DAB1: variants seen among roughly 807,000 people sequenced by gnomAD.
The protein encoded by DAB1 is disabled homolog 1.
DAB1 carries 15 observed loss-of-function variants against 64.6 expected under a neutral mutation model. The observed-to-expected ratio is 0.23, with a 90% CI of 0.16 to 0.36. The LOEUF is 0.36. Among genes scored for constraint, DAB1 ranks in the 10% least tolerant of loss-of-function variants. The pLI is 1.00. For synonymous variants in DAB1, 235 were observed against 251.9 expected, an observed-to-expected ratio of 0.93 and a Z score of 0.64; for missense variants, 596 against 706.7, an observed-to-expected ratio of 0.84 and a Z score of 1.78.
chr1:58,481,620 T>C (rs1645483697), intron 3 of DAB1, among the ~76,000 whole-genome samples: 1 of 152,172 alleles, frequency 6.6e-6, no homozygotes, highest in Non-Finnish European at 1.5e-5. Flanking sequence ...GTAAAATTGA[T>C]GATAATAACC....
chr1:58,526,560 TTAAA>T (rs768694223), intron 2 of DAB1, among the ~76,000 whole-genome samples: 4 of 142,524 alleles, frequency 2.8e-5, no homozygotes, highest in Non-Finnish European at 6.1e-5. Flanking sequence ...CAAAGTCAAC[TTAAA>T]TAAAAGTAAA....
chr1:57,610,854 G>A (rs1304397273), intron 7 of DAB1, among the ~76,000 whole-genome samples: 1 of 152,144 alleles, frequency 6.6e-6, no homozygotes, highest in East Asian at 1.9e-4. Context: ...GATGAGATTT[G>A]GGCGGGGACA....
intron 3 of DAB1, among the ~76,000 whole-genome samples, chr1:58,472,475 T>A (rs1645370325): frequency 6.6e-6 from 1 of 152,248 alleles, no homozygotes; most frequent in Non-Finnish European, 1.5e-5. Flanking sequence ...AATCAACCTC[T>A]TTTCAACATC....
chr1:57,256,103 A>T (rs1669739599), intron 2 of DAB1, among the ~76,000 whole-genome samples: 1 of 152,200 alleles, frequency 6.6e-6, no homozygotes, highest in Non-Finnish European at 1.5e-5. Context: ...GCTTGATATT[A>T]TCCCTTATTA....
chr1:57,136,095 T>C (rs928538118), intron 4 of DAB1, among the ~76,000 whole-genome samples: 8 of 152,174 alleles, frequency 5.3e-5, no homozygotes, highest in Admixed American at 3.9e-4. Context: ...TTTTTTAAGA[T>C]TGAGAACTCC....
chr1:58,174,843 T>C (rs1350719193), intron 4 of DAB1, among the ~76,000 whole-genome samples: 8 of 151,890 alleles, frequency 5.3e-5, no homozygotes, highest in Non-Finnish European at 1.5e-5. Flanking sequence ...ATCAGCGCTC[T>C]GTAAAAATGC....
chr1:57,393,145 G>T (rs1682525327), intron 1 of DAB1, among the ~76,000 whole-genome samples: 1 of 152,130 alleles, frequency 6.6e-6, no homozygotes, highest in African/African-American at 2.4e-5. Flanking sequence ...TGTGTGACCT[G>T]AGCAAGCTAA....
At chr1:57,075,080 T>C (rs1053591178) in intron 4 of DAB1, among the ~76,000 whole-genome samples, 6 of 152,210 alleles carry the variant, frequency 3.9e-5, no homozygotes, top group African/African-American at 9.6e-5. Flanking sequence ...CGCTGCATAA[T>C]GTGGAGAATG....
intron 9 of DAB1, among the ~76,000 whole-genome samples, chr1:57,059,292 T>A (rs910387288): frequency 1.3e-5 from 2 of 152,086 alleles, no homozygotes; most frequent in Non-Finnish European, 2.9e-5. Flanking sequence ...TCTCAGGAAG[T>A]GGCTGTGGTA....
chr1:57,933,704 T>C (rs1329512489), intron 5 of DAB1, among the ~76,000 whole-genome samples: 1 of 150,142 alleles, frequency 6.7e-6, no homozygotes, highest in Non-Finnish European at 1.5e-5. Context: ...GTAAAAATCT[T>C]TTACAGGTAT....
In DAB1 at chr1:58,129,066, G is replaced by A. The variant is rs1327398344; in HGVS notation, n.387+21445C>T. Among the ~76,000 whole-genome samples the A allele has an allele frequency of 2.1e-3, 307 of 144,464 alleles. 4 individuals carry two copies. The highest frequency in any genetic ancestry group is 6.9e-3 in the African/African-American group (271 of 39,008). 94.8% of individuals were successfully genotyped at this position (144,464 alleles called of 152,430 possible). A position where few individuals can be genotyped will look rare whatever the true frequency, so the allele number is the denominator to read the frequency against. Reference sequence around the variant, plus strand: ...CCTCCTTGTACCTCTGGTAGAATTCGGCTGTGAATCCATCTGGTCCTGGAC... The same window carrying A: ...CCTCCTTGTACCTCTGGTAGAATTCAGCTGTGAATCCATCTGGTCCTGGAC... On this transcript the variant is annotated intron_variant and non_coding_transcript_variant, in intron 5 of 20. Transcript: ENST00000485760.
At chr1:58,072,737 G>A (rs565289017) in intron 5 of DAB1, among the ~76,000 whole-genome samples, 1 of 152,300 alleles carries the variant, frequency 6.6e-6, no homozygotes, top group South Asian at 2.1e-4. Context: ...CAGCTTAAGC[G>A]ATCAATTTAG....
At chr1:57,046,225 T>C (rs1357983787) in intron 9 of DAB1, among the ~76,000 whole-genome samples, 3 of 152,210 alleles carry the variant, frequency 2.0e-5, no homozygotes, top group Non-Finnish European at 4.4e-5. Flanking sequence ...TGTTAAGCAA[T>C]GAAGCCTTTG....
chr1:57,107,575 C>T (rs1386377712), intron 4 of DAB1, among the ~76,000 whole-genome samples: 1 of 151,846 alleles, frequency 6.6e-6, no homozygotes. Context: ...CCTGCAGGAA[C>T]AACTGTGGAA....
chr1:57,788,550 T>C (rs576557045), intron 6 of DAB1, among the ~76,000 whole-genome samples: 3 of 152,150 alleles, frequency 2.0e-5, no homozygotes, highest in Admixed American at 6.5e-5. Flanking sequence ...CACAAAGAAG[T>C]ATGAGGGAAC....
chr1:58,260,339 G>A (rs565829297), intron 4 of DAB1, among the ~76,000 whole-genome samples: 2 of 152,268 alleles, frequency 1.3e-5, no homozygotes, highest in African/African-American at 4.8e-5. Context: ...CCAGCATAGA[G>A]GGGAATCTGG....
downstream of DAB1, among the ~76,000 whole-genome samples, chr1:57,825,255 A>G (rs1403828216): frequency 2.0e-5 from 3 of 152,202 alleles, no homozygotes; most frequent in Admixed American, 2.0e-4. Context: ...CATCTTTACC[A>G]TCTTTGAAGA....
At chr1:57,405,142 C>T (rs912853766) in intron 1 of DAB1, among the ~76,000 whole-genome samples, 1 of 152,144 alleles carries the variant, frequency 6.6e-6, no homozygotes, top group African/African-American at 2.4e-5. Flanking sequence ...CAGAACATAA[C>T]AAGCTGAATT....
chr1:57,107,677 G>A lies in DAB1; in HGVS notation c.306+28866C>T, dbSNP rs573529002. ...TGAAGGACCTTAGAAATGAGTAAAT[G>A]TAGGTCCAGAAAGCTGAAGGATTCT... is the stretch of plus-strand genomic sequence containing the variant. On this transcript the variant is annotated intron_variant, in intron 4 of 14. Transcript: ENST00000371236. Among the ~76,000 whole-genome samples, 9 of 152,308 alleles carry A rather than the reference G, an allele frequency of 5.9e-5. No individual in the cohort carries two copies. In the South Asian group the frequency reaches 1.9e-3, roughly 32 times the overall value.
Sources: gnomAD v4.1 joint callset for allele counts (sites outside exome capture counted in the v4.1 genomes callset) on GRCh38, gnomAD v4.1.1 for gene constraint, MANE v1.5 for transcripts, NCBI Gene and HGNC (gene_info 2026-07-23, HGNC 2026-07-21) for gene names.